The following ZNF620 variants were observed in gnomAD, a reference collection of about 807,000 sequenced individuals.
The protein encoded by ZNF620 is zinc finger protein 620.
In ZNF620, 10 loss-of-function variants were observed where a neutral mutation model predicts 13.3. The ratio of observed to expected loss-of-function variants is 0.75; its 90% confidence interval spans 0.46 to 1.28. ZNF620 has a LOEUF of 1.28. Among genes scored for constraint, ZNF620 ranks in the 50% most tolerant of loss-of-function variants. The pLI, the probability that ZNF620 is intolerant of heterozygous loss-of-function variation, is 0.00. For synonymous variants in ZNF620, 166 were observed against 177.6 expected, an observed-to-expected ratio of 0.93 and a Z score of 0.52; for missense variants, 461 against 500.2, an observed-to-expected ratio of 0.92 and a Z score of 0.75.
At chr3:40,512,549 C>A in intron 4 of ZNF620, 34 bp downstream of exon 4, 1 of 1,475,872 alleles carries the variant, frequency 6.8e-7, no homozygotes, top group Non-Finnish European at 9.2e-7. Flanking sequence ...GCCTTTTTGG[C>A]TTGGCTTGCT....
chr3:40,515,780 TTGTGTGTGTG>T (rs10550548), intron 4 of ZNF620, 70 bp from the exon 5 acceptor site: 32,381 of 940,510 alleles, frequency 0.034, 363 homozygotes, highest in South Asian at 0.14. Flanking sequence ...AGCACAGATA[TTGTGTGTGTG>T]TGTGTGTGTG....
At chr3:40,508,288 A>G (rs780430737) in intron 2 of ZNF620, among the ~76,000 whole-genome samples, 30 of 149,972 alleles carry the variant, frequency 2.0e-4, no homozygotes, top group Non-Finnish European at 2.7e-4. Flanking sequence ...CAGATTTGAG[A>G]TCTTTCTTTT....
chr3:40,515,809 TG>T, intron 4 of ZNF620, 50 bp from the exon 5 acceptor site: 3 of 1,446,974 alleles, frequency 2.1e-6, no homozygotes, highest in Non-Finnish European at 2.8e-6. Flanking sequence ...TGTGTGTGTG[TG>T]TGTGTGTGTG....
At chr3:40,515,639 G>A (rs140933115) in intron 4 of ZNF620, among the ~76,000 whole-genome samples, 140 of 152,154 alleles carry the variant, frequency 9.2e-4, no homozygotes, top group African/African-American at 3.3e-3. Context: ...CTTCCCTCCC[G>A]TCTCATAGAG....
intron 2 of ZNF620, among the ~76,000 whole-genome samples, chr3:40,511,184 GA>G (rs891598106): frequency 8.5e-5 from 13 of 152,126 alleles, no homozygotes; most frequent in African/African-American, 2.9e-4. Context: ...CCACACTGGG[GA>G]AAGGAGCCCA....
In ZNF620 at chr3:40,511,644, G is replaced by C. The variant is rs540066741; in HGVS notation, c.151+48G>C. The stretch of plus-strand genomic sequence containing the variant: ...TGGCCTCTGCCCTTTAAGCATCCTG[G>C]CTTCTTTATTCCTTAGAACTTTGTG... On this transcript the variant is annotated intron_variant, in intron 3 of 4. Transcript: ENST00000314529. 6 of 1,589,180 alleles carry C rather than the reference G, an allele frequency of 3.8e-6. No individual in the cohort carries two copies. The East Asian group carries it at 9.0e-5, about 24-fold the overall frequency.
intron 4 of ZNF620, 40 bp from the exon 5 acceptor site, chr3:40,515,815 TGTGTG>T: frequency 5.2e-6 from 7 of 1,353,256 alleles, no homozygotes; most frequent in Non-Finnish European, 7.0e-6. Flanking sequence ...TGTGTGTGTG[TGTGTG>T]ATATCAGGGA....
chr3:40,514,842 C>T (rs1698322548), intron 4 of ZNF620, among the ~76,000 whole-genome samples: 1 of 152,146 alleles, frequency 6.6e-6, no homozygotes. Context: ...CATTCTCTGC[C>T]TGTGAAAATT....
rs1340739007 is a variant in ZNF620, at chr3:40,506,371, C to A, written c.19C>A (p.Arg7Ser). The A allele has an allele frequency of 1.9e-6, 3 of 1,613,940 alleles. No homozygotes were observed. Among genetic ancestry groups the A allele is most frequent in the Admixed American group, 3.3e-5 (2 of 59,996 alleles). MFQTAW[R>S]QEPVTFEDVA... ...GCCAGCCATGTTCCAGACCGCTTGG[C>A]GCCAGGTGAGTGAGCATCCTCTCCC... The change falls in exon 2 of 5, where the codon CGC (arginine) becomes AGC (serine). Residue 7 changes from arginine to serine, a missense_variant. By Grantham distance (110) the Arg-to-Ser change is moderately radical. Coordinates refer to ENST00000314529, the MANE Select transcript of ZNF620 (RefSeq NM_175888.4).
At position 40,516,745 on chromosome 3, in the gene ZNF620, G is replaced by A. The variant is rs781487403; in HGVS notation, c.1151G>A (p.Arg384Gln). 9.9e-6 allele frequency: 16 copies of A among 1,614,104 alleles called. No individual in the cohort carries two copies. Among genetic ancestry groups the A allele is most frequent in the African/African-American group, 2.7e-5 (2 of 74,932 alleles). The change falls in exon 5 of 5, where the codon CGA (arginine) becomes CAA (glutamine). Residue 384 changes from arginine to glutamine, a missense_variant. Physicochemically the swap from Arg to Gln is conservative, Grantham distance 43. Coordinates refer to ENST00000314529, the MANE Select transcript of ZNF620 (RefSeq NM_175888.4). ...AAAATAACCCTGATTCAGCACCAGC[G>A]AGTTCACACTGGCGAGAAACCTTAT... ...NQKITLIQHQRVHTGEKPYEC... is the reference protein window; with the variant it reads ...NQKITLIQHQQVHTGEKPYEC...
chr3:40,506,084 C>T lies in ZNF620; in HGVS notation c.-104C>T. 1.8e-6 allele frequency: 1 copy of T among 560,630 alleles called. No individual in the cohort carries two copies. The highest frequency in any genetic ancestry group is 3.2e-6 in the Non-Finnish European group (1 of 312,278). The allele number at this position is 560,630 out of a possible 1,614,324, so 34.7% of individuals were successfully genotyped here. A position where few individuals can be genotyped will look rare whatever the true frequency, so the allele number is the denominator to read the frequency against. On this transcript the variant is annotated 5_prime_UTR_variant, in exon 1 of 5. Transcript: ENST00000314529. ...GGCAGGTGGAATTTCCACGCTTTAT[C>T]TGCGCCTGCGCCGCGCGGGATTCGC...
In ZNF620 at chr3:40,506,059, G is replaced by A; in HGVS notation, c.-129G>A. The A allele has an allele frequency of 1.9e-6, 1 of 516,600 alleles. No homozygotes were observed. Among genetic ancestry groups the A allele is most frequent in the Non-Finnish European group, 3.5e-6 (1 of 284,822 alleles). The allele number at this position is 516,600 out of a possible 1,614,324, so 32.0% of individuals were successfully genotyped here. On this transcript the variant is annotated 5_prime_UTR_variant, in exon 1 of 5. Transcript: ENST00000314529. Reference sequence around the variant, plus strand: ...GTCTCAAGCTTTCCCCGGTGTCGGCGGCAGGTGGAATTTCCACGCTTTATC... The same window carrying A: ...GTCTCAAGCTTTCCCCGGTGTCGGCAGCAGGTGGAATTTCCACGCTTTATC...
At position 40,516,521 on chromosome 3, in the gene ZNF620, A is replaced by G; in HGVS notation, c.927A>G (p.Glu309=). 1 of 1,614,182 alleles carries G rather than the reference A, an allele frequency of 6.2e-7. No individual in the cohort carries two copies. Among genetic ancestry groups the G allele is most frequent in the Non-Finnish European group, 8.5e-7 (1 of 1,180,024 alleles). The change falls in exon 5 of 5, where the codon GAA becomes GAG. Residue 309 remains glutamate, a synonymous_variant. Transcript: ENST00000314529. ...TCCACACTGGGGAGAAGCTCTATGAATGTAACGAATGTTGGAAAACTTTCA... is the reference window on the plus strand; with the variant it reads ...TCCACACTGGGGAGAAGCTCTATGAGTGTAACGAATGTTGGAAAACTTTCA... ...QRFHTGEKLY[E]CNECWKTFSC...
rs1406211173 is a variant in ZNF620, at chr3:40,517,921, A to G, written c.*1058A>G. ...GTGCAAACTTCCAGAGACCTATCTC[A>G]GGTTCAGTGTCCACCCACCCTACTT... is the stretch of plus-strand genomic sequence containing the variant. On this transcript the variant is annotated 3_prime_UTR_variant, in exon 5 of 5. Coordinates refer to ENST00000314529, the MANE Select transcript of ZNF620 (RefSeq NM_175888.4). 1 of 152,224 alleles carries G rather than the reference A, an allele frequency of 6.6e-6. No individual in the cohort carries two copies. The highest frequency in any genetic ancestry group is 2.4e-5 in the African/African-American group (1 of 41,458). The allele number at this position is 152,224 out of a possible 1,614,324, so 9.4% of individuals were successfully genotyped here.
Position 40,516,336 on chromosome 3 carries a change from GGAAA to G in ZNF620, c.747_750del (p.Lys249AsnfsTer12). ...TATTCGGCATCAGATAATTCACACT[GGAAA>G]GAAACCATTTAAATGTAAAGAATGT... On this transcript the variant is annotated frameshift_variant, in exon 5 of 5. Coordinates refer to ENST00000314529, the MANE Select transcript of ZNF620 (RefSeq NM_175888.4). LOFTEE classifies it low-confidence loss of function (END_TRUNC). 2 of 1,614,156 alleles carry G rather than the reference GGAAA, an allele frequency of 1.2e-6. No individual in the cohort carries two copies. The highest frequency in any genetic ancestry group is 1.7e-6 in the Non-Finnish European group (2 of 1,180,034).
intron 2 of ZNF620, among the ~76,000 whole-genome samples, chr3:40,506,760 T>C (rs1261150619): frequency 6.6e-6 from 1 of 152,220 alleles, no homozygotes; most frequent in Non-Finnish European, 1.5e-5. Flanking sequence ...TGAGTAAAGA[T>C]AGTTTTACTC....
intron 4 of ZNF620, among the ~76,000 whole-genome samples, chr3:40,512,911 G>A (rs1191986444): frequency 6.6e-6 from 1 of 152,068 alleles, no homozygotes; most frequent in Non-Finnish European, 1.5e-5. Flanking sequence ...AACATGGCTG[G>A]CCATCTGCAT....
Position 40,516,529 on chromosome 3 carries a change from A to G in ZNF620, c.935A>G (p.Glu312Gly). 1.2e-6 allele frequency: 2 copies of G among 1,614,198 alleles called. No individual in the cohort carries two copies. Among genetic ancestry groups the G allele is most frequent in the African/African-American group, 2.7e-5 (2 of 75,046 alleles). ...HTGEKLYECN[E>G]CWKTFSCSSS... is the part of the protein sequence containing the mutation. ...GGGGAGAAGCTCTATGAATGTAACG[A>G]ATGTTGGAAAACTTTCAGTTGCAGC... Residue 312 changes from glutamate to glycine, a missense_variant, in exon 5 of 5, where the codon GAA becomes GGA. By Grantham distance (98) the Glu-to-Gly change is moderately conservative (BLOSUM62 -2). Transcript: ENST00000314529.
chr3:40,515,929 T>C lies in ZNF620; in HGVS notation c.335T>C (p.Phe112Ser). 6.2e-7 allele frequency: 1 copy of C among 1,613,998 alleles called. No homozygotes were observed. Among genetic ancestry groups the C allele is most frequent in the Non-Finnish European group, 8.5e-7 (1 of 1,179,990 alleles). ...KDHVSKETES[F>S]RLMVGGLPGN... ...CATGTGTCCAAAGAAACAGAGTCCT[T>C]CAGACTGATGGTGGGGGGCCTGCCA... Residue 112 changes from phenylalanine to serine, a missense_variant, in exon 5 of 5, where the codon TTC (phenylalanine) becomes TCC (serine). Transcript: ENST00000314529.
Sources: gnomAD v4.1 joint callset for allele counts (sites outside exome capture counted in the v4.1 genomes callset) on GRCh38, gnomAD v4.1.1 for gene constraint, MANE v1.5 for transcripts, NCBI Gene and HGNC (gene_info 2026-07-23, HGNC 2026-07-21) for gene names.